Variants in TMTC1 observed in about 807,000 individuals in gnomAD.
The protein encoded by TMTC1 is protein O-mannosyl-transferase TMTC1.
A neutral mutation model predicts 104.8 loss-of-function variants in TMTC1; 73 were observed. The ratio of observed to expected loss-of-function variants is 0.70; its 90% CI spans 0.58 to 0.85. The LOEUF is 0.85. Among genes scored for constraint, TMTC1 ranks in the 40% least tolerant of loss-of-function variants. The pLI, the probability that TMTC1 is intolerant of heterozygous loss-of-function variation, is 0.00. For missense variants in TMTC1, 1,035 were observed against 1,096.1 expected (o/e 0.94, Z 0.79); for synonymous variants, 434 against 428.7 (o/e 1.01, Z -0.15).
chr12:29,570,891 C>CCA lies in TMTC1; in HGVS notation c.1532+1213_1532+1214insTG, dbSNP rs796482100. Among the ~76,000 whole-genome samples the CCA allele has an allele frequency of 6.1e-3, 898 of 147,874 alleles. 45 individuals carry two copies. The highest frequency in any genetic ancestry group is 0.022 in the African/African-American group (846 of 39,196). On this transcript the variant is annotated intron_variant, in intron 9 of 17. Transcript: ENST00000539277. ...AAAAAAAACAGAAACACCCCCCCCC[C>CCA]CCGCCAAAACACACACACAAAAACA...
intron 5 of TMTC1, among the ~76,000 whole-genome samples, chr12:29,743,430 T>A (rs1469477459): frequency 6.6e-6 from 1 of 152,212 alleles, no homozygotes; most frequent in Non-Finnish European, 1.5e-5. Flanking sequence ...TGCTTCTGAA[T>A]TTTAAGAGAA....
chr12:29,596,126 C>T (rs1946397676), intron 7 of TMTC1, among the ~76,000 whole-genome samples: 1 of 152,148 alleles, frequency 6.6e-6, no homozygotes, highest in Non-Finnish European at 1.5e-5. Flanking sequence ...CCTGCCCCAA[C>T]CTCCCAAGTA....
intron 5 of TMTC1, among the ~76,000 whole-genome samples, chr12:29,688,536 C>A (rs1565770471): frequency 6.6e-6 from 1 of 152,184 alleles, no homozygotes; most frequent in Non-Finnish European, 1.5e-5. Context: ...CCACCACTAT[C>A]TGACAAGCCA....
chr12:29,517,373 T>C (rs980643427), intron 14 of TMTC1, 54 bp downstream of exon 14: 191 of 1,608,150 alleles, frequency 1.2e-4, no homozygotes, highest in Non-Finnish European at 1.5e-4. Flanking sequence ...TACAGCTCTC[T>C]CTATGGCTGC....
chr12:29,574,557 C>T (rs1945769223), intron 8 of TMTC1, among the ~76,000 whole-genome samples: 1 of 152,174 alleles, frequency 6.6e-6, no homozygotes, highest in Admixed American at 6.5e-5. Context: ...GTTCTGGAGG[C>T]TAGAAGTTCA....
Position 29,556,957 on chromosome 12 carries a change from G to C in TMTC1, c.1576C>G (p.Leu526Val), listed in dbSNP as rs1174981552. The C allele has an allele frequency of 1.9e-6, 3 of 1,614,088 alleles. No individual in the cohort carries two copies. Among genetic ancestry groups the C allele is most frequent in the Non-Finnish European group, 2.5e-6 (3 of 1,180,030 alleles). Residue 526 changes from leucine to valine, a missense_variant, in exon 10 of 18, where the codon CTG (leucine) becomes GTG (valine). Transcript: ENST00000539277. ...HASALNNLGTLTRDTAEAKMY... is the reference protein window; with the variant it reads ...HASALNNLGTVTRDTAEAKMY... The stretch of plus-strand genomic sequence containing the variant: ...TTTGCCTCTGCTGTGTCTCTCGTCA[G>C]TGTTCCAAGGTTGTTGAGCGCACTT...
At chr12:29,658,554 G>C (rs1033150263) in intron 5 of TMTC1, 1 of 172,000 alleles carries the variant, frequency 5.8e-6, no homozygotes, top group African/African-American at 2.4e-5. Flanking sequence ...CAAGAATCTT[G>C]CCCTGAACTT....
At chr12:29,634,632 C>T (rs891377732) in intron 5 of TMTC1, among the ~76,000 whole-genome samples, 1 of 152,122 alleles carries the variant, frequency 6.6e-6, no homozygotes, top group Non-Finnish European at 1.5e-5. Context: ...TATTTGGGAT[C>T]AAACAGAAGA....
In TMTC1 at chr12:29,755,844, G is replaced by T. The variant is rs778313192; in HGVS notation, c.596C>A (p.Thr199Lys). ...GAGCAGCAAGAAGAAGGGAGACACC[G>T]TGGAAGGGAAACTTCCCCCAACACA... ...QGCVGGSFPS[T>K]VSPFFLLLSL... Residue 199 changes from threonine to lysine, a missense_variant, in exon 4 of 18, where the codon ACG becomes AAG. Transcript: ENST00000539277. 1.9e-6 allele frequency: 3 copies of T among 1,614,032 alleles called. No individual in the cohort carries two copies. The Admixed American group carries it at 5.0e-5, about 27-fold the overall frequency.
intron 5 of TMTC1, among the ~76,000 whole-genome samples, chr12:29,711,801 C>G (rs947166347): frequency 2.0e-5 from 3 of 151,812 alleles, no homozygotes; most frequent in Non-Finnish European, 2.9e-5. Flanking sequence ...GTCAGGAGAT[C>G]GAGACCATCC....
At chr12:29,597,607 G>A (rs1340414076) in intron 7 of TMTC1, among the ~76,000 whole-genome samples, 11 of 147,468 alleles carry the variant, frequency 7.5e-5, no homozygotes, top group African/African-American at 2.8e-4. Context: ...CCAGACACAG[G>A]CAGACACGCC....
At position 29,757,931 on chromosome 12, in the gene TMTC1, G is replaced by T. The variant is rs549509740; in HGVS notation, c.554+773C>A. 2.6e-5 allele frequency among the ~76,000 whole-genome samples: 4 copies of T among 152,104 alleles called. No homozygotes were observed. The South Asian group carries it at 6.2e-4, about 24-fold the overall frequency. On this transcript the variant is annotated intron_variant, in intron 3 of 17. Transcript: ENST00000539277. ...CCCATGATTCAACTACCTCCCACTAGGTTCCTTCCACGACACATGGAAATT... is the reference window on the plus strand; with the variant it reads ...CCCATGATTCAACTACCTCCCACTATGTTCCTTCCACGACACATGGAAATT...
chr12:29,630,598 C>T (rs1938247761), intron 6 of TMTC1, among the ~76,000 whole-genome samples: 1 of 152,094 alleles, frequency 6.6e-6, no homozygotes, highest in Non-Finnish European at 1.5e-5. Flanking sequence ...CATGTCTGTC[C>T]ACATTGTTTT....
At chr12:29,544,782 A>G (rs1944896705) in intron 10 of TMTC1, among the ~76,000 whole-genome samples, 1 of 152,174 alleles carries the variant, frequency 6.6e-6, no homozygotes, top group African/African-American at 2.4e-5. Flanking sequence ...AGAATAACTT[A>G]ATTTAGTCAG....
intron 11 of TMTC1, chr12:29,534,270 GA>G (rs1482157863): frequency 2.0e-5 from 3 of 152,244 alleles, no homozygotes; most frequent in Admixed American, 6.5e-5. Context: ...GAAAGTCAGA[GA>G]GGGGAAGGCA....
At chr12:29,636,062 AT>A (rs1307000591) in intron 5 of TMTC1, among the ~76,000 whole-genome samples, 3 of 152,196 alleles carry the variant, frequency 2.0e-5, no homozygotes, top group African/African-American at 7.2e-5. Flanking sequence ...TATTGTGGTA[AT>A]TTTTTTAAGA....
chr12:29,688,289 A>T (rs1313969121), intron 5 of TMTC1, among the ~76,000 whole-genome samples: 1 of 152,212 alleles, frequency 6.6e-6, no homozygotes, highest in East Asian at 1.9e-4. Flanking sequence ...CTAAAAAACT[A>T]CAGAATGATT....
At chr12:29,508,198 T>C (rs1943742400) in intron 17 of TMTC1, among the ~76,000 whole-genome samples, 1 of 152,214 alleles carries the variant, frequency 6.6e-6, no homozygotes, top group African/African-American at 2.4e-5. Flanking sequence ...ACGTTAGATA[T>C]CCAGGCACTG....
chr12:29,594,813 G>A (rs1402193114), intron 7 of TMTC1, among the ~76,000 whole-genome samples: 2 of 152,050 alleles, frequency 1.3e-5, no homozygotes, highest in Non-Finnish European at 2.9e-5. Flanking sequence ...CCTTCAATAT[G>A]GCATTGCAGA....
Sources: allele counts gnomAD v4.1 joint callset (sites outside exome capture counted in the v4.1 genomes callset), GRCh38; gene constraint gnomAD v4.1.1; transcripts MANE v1.5; gene names NCBI Gene and HGNC (gene_info 2026-07-23, HGNC 2026-07-21).